STRN3: variants seen among roughly 807,000 people sequenced by gnomAD.
The protein encoded by STRN3 is striatin-3.
A neutral mutation model predicts 95.6 loss-of-function variants in STRN3; 29 were observed. The ratio of observed to expected loss-of-function variants is 0.30; its 90% CI spans 0.23 to 0.41. The LOEUF (loss-of-function observed/expected upper bound fraction) is 0.41. Ranked by LOEUF, STRN3 falls within the 10% of genes least tolerant of loss-of-function variation. The probability of loss-of-function intolerance (pLI) is 1.00; values close to 1 mark genes in which losing one functional copy is unlikely to be tolerated. For missense variants in STRN3, 890 were observed against 972.1 expected (o/e 0.92, Z 1.12); for synonymous variants, 331 against 357.6 (o/e 0.93, Z 0.84).
chr14:31,007,075 G>A (rs1248811265), intron 1 of STRN3, among the ~76,000 whole-genome samples: 1 of 152,118 alleles, frequency 6.6e-6, no homozygotes, highest in African/African-American at 2.4e-5. Flanking sequence ...TTTAAAAGAG[G>A]TTAAGTCCCT....
At chr14:30,927,997 T>C (rs1878278108) in intron 8 of STRN3, among the ~76,000 whole-genome samples, 1 of 150,036 alleles carries the variant, frequency 6.7e-6, no homozygotes, top group South Asian at 2.1e-4. Flanking sequence ...TATTCTAACA[T>C]AGTCAATCAT....
intron 1 of STRN3, among the ~76,000 whole-genome samples, chr14:30,983,068 ACTGT>A (rs1881490989): frequency 6.6e-6 from 1 of 152,258 alleles, no homozygotes; most frequent in Non-Finnish European, 1.5e-5. Context: ...TATCCAGAAC[ACTGT>A]CTGGCATATG....
Position 30,895,175 on chromosome 14 carries a change from C to G in STRN3, c.*236G>C, listed in dbSNP as rs1234934074. The G allele has an allele frequency of 6.2e-6, 3 of 480,738 alleles. No homozygotes were observed. The highest frequency in any genetic ancestry group is 1.1e-5 in the Non-Finnish European group (3 of 276,950). The allele number at this position is 480,738 out of a possible 1,614,324, so 29.8% of individuals were successfully genotyped here. A position where few individuals can be genotyped will look rare whatever the true frequency, so the allele number is the denominator to read the frequency against. On this transcript the variant is annotated 3_prime_UTR_variant, in exon 18 of 18. Coordinates refer to ENST00000357479, the MANE Select transcript of STRN3 (RefSeq NM_001083893.2). ...AAACAGATATACGCTCAGTTCACAT[C>G]CAGTACAGGCCACAAATACTGGAGT...
chr14:30,907,139 G>T, intron 13 of STRN3, 95 bp from the exon 14 acceptor site: 1 of 1,392,022 alleles, frequency 7.2e-7, no homozygotes, highest in South Asian at 1.5e-5. Context: ...TGAGCATAAA[G>T]AACACACATA....
At position 30,978,627 on chromosome 14, in the gene STRN3, A is replaced by C. The variant is rs374900101; in HGVS notation, c.283-22385T>G. On this transcript the variant is annotated intron_variant, in intron 1 of 17. Transcript: ENST00000357479. The stretch of plus-strand genomic sequence containing the variant: ...AAAGTCCTAGCTAATGCAAGAGATG[A>C]GAAAAGAAGAGGTATACAGATTGAG... Among the ~76,000 whole-genome samples, 23 of 152,366 alleles carry C rather than the reference A, an allele frequency of 1.5e-4. No individual in the cohort carries two copies. In the East Asian group the frequency reaches 4.4e-3, roughly 29 times the overall value.
In STRN3 at chr14:30,894,609, CCTTG is replaced by C. The variant is rs1210337227; in HGVS notation, c.*798_*801del. 1 of 154,438 alleles carries C rather than the reference CCTTG, an allele frequency of 6.5e-6. No individual in the cohort carries two copies. The highest frequency in any genetic ancestry group is 2.4e-5 in the African/African-American group (1 of 41,362). The allele number at this position is 154,438 out of a possible 1,614,324, so 9.6% of individuals were successfully genotyped here. On this transcript the variant is annotated 3_prime_UTR_variant, in exon 18 of 18. Coordinates refer to ENST00000357479, the MANE Select transcript of STRN3 (RefSeq NM_001083893.2). ...GTTTCATTTTAATACACTTAATAGT[CCTTG>C]GTTTATGAAGACATTTATGTGATGA...
chr14:30,947,981 A>G (rs1021209308), intron 4 of STRN3, among the ~76,000 whole-genome samples: 7 of 152,216 alleles, frequency 4.6e-5, no homozygotes, highest in Non-Finnish European at 8.8e-5. Flanking sequence ...CAGAAGAACA[A>G]AAGATTTTTA....
intron 15 of STRN3, 146 bp downstream of exon 15, chr14:30,905,272 T>C: frequency 1.1e-6 from 1 of 884,936 alleles, no homozygotes; most frequent in South Asian, 2.7e-5. Flanking sequence ...AGACATAATA[T>C]AAATAAGTAT....
chr14:30,929,970 A>C (rs61222882), intron 7 of STRN3, among the ~76,000 whole-genome samples: 3 of 139,394 alleles, frequency 2.2e-5, no homozygotes, highest in Non-Finnish European at 4.7e-5. Flanking sequence ...AAAAAAAAAA[A>C]AAAAAAAAAC....
intron 1 of STRN3, among the ~76,000 whole-genome samples, chr14:30,992,965 T>C (rs980633368): frequency 2.0e-5 from 3 of 152,184 alleles, no homozygotes; most frequent in Non-Finnish European, 4.4e-5. Context: ...AGCTAGGACA[T>C]AGGTGGGTGT....
chr14:31,010,048 A>C (rs1445212240), intron 1 of STRN3, among the ~76,000 whole-genome samples: 1 of 152,186 alleles, frequency 6.6e-6, no homozygotes, highest in South Asian at 2.1e-4. Flanking sequence ...AGCTACAGTG[A>C]GCCATGATTG....
intron 1 of STRN3, among the ~76,000 whole-genome samples, chr14:30,982,055 G>A (rs1219932594): frequency 3.4e-5 from 4 of 117,408 alleles, no homozygotes; most frequent in Non-Finnish European, 4.8e-5. Context: ...CCAAGATTGT[G>A]CCACTGCACT....
chr14:30,951,181 CT>C (rs1473248274), intron 3 of STRN3, among the ~76,000 whole-genome samples: 7 of 152,092 alleles, frequency 4.6e-5, no homozygotes, highest in Non-Finnish European at 7.4e-5. Context: ...CCCAAGTGTA[CT>C]TTATTAGTAT....
At chr14:31,003,914 C>T (rs1224509186) in intron 1 of STRN3, among the ~76,000 whole-genome samples, 1 of 151,036 alleles carries the variant, frequency 6.6e-6, no homozygotes, top group African/African-American at 2.4e-5. Context: ...TTTGGGAGGC[C>T]GACAGAGGCC....
At chr14:30,988,290 C>G (rs992630498) in intron 1 of STRN3, among the ~76,000 whole-genome samples, 4 of 152,192 alleles carry the variant, frequency 2.6e-5, no homozygotes, top group African/African-American at 9.6e-5. Context: ...AAGGTATTAT[C>G]AACCAAACTC....
Position 30,895,272 on chromosome 14 carries a change from C to T in STRN3, c.*139G>A. ...TGAGCTTGACATTAAGATGTGATTT[C>T]CACCAATTTGTGCCTGCCCCAGATA... is the stretch of plus-strand genomic sequence containing the variant. On this transcript the variant is annotated 3_prime_UTR_variant, in exon 18 of 18. Transcript: ENST00000357479. 1 of 837,436 alleles carries T rather than the reference C, an allele frequency of 1.2e-6. No individual in the cohort carries two copies. The highest frequency in any genetic ancestry group is 1.8e-6 in the Non-Finnish European group (1 of 561,922). The allele number at this position is 837,436 out of a possible 1,614,324, so 51.9% of individuals were successfully genotyped here.
intron 4 of STRN3, among the ~76,000 whole-genome samples, chr14:30,947,500 AC>A (rs1191227407): frequency 1.3e-5 from 2 of 152,048 alleles, no homozygotes; most frequent in Non-Finnish European, 2.9e-5. Context: ...TTATCTCAAA[AC>A]CCAAGAAGCC....
chr14:30,995,634 C>T (rs1882161710), intron 1 of STRN3, among the ~76,000 whole-genome samples: 1 of 152,066 alleles, frequency 6.6e-6, no homozygotes. Context: ...TCCAAAACAC[C>T]TTAGGAAGAG....
intron 8 of STRN3, among the ~76,000 whole-genome samples, chr14:30,922,938 T>C (rs1429206781): frequency 6.6e-6 from 1 of 152,190 alleles, no homozygotes; most frequent in East Asian, 1.9e-4. Context: ...AATCCCGAGT[T>C]AAAGGACATG....
Sources: gnomAD v4.1 joint callset for allele counts (sites outside exome capture counted in the v4.1 genomes callset) on GRCh38, gnomAD v4.1.1 for gene constraint, MANE v1.5 for transcripts, NCBI Gene and HGNC (gene_info 2026-07-23, HGNC 2026-07-21) for gene names.